The following ANKRD44 variants were observed in gnomAD, a reference collection of about 807,000 sequenced individuals.
ANKRD44 encodes the protein serine/threonine-protein phosphatase 6 regulatory ankyrin repeat subunit B.
A neutral mutation model predicts 116.0 loss-of-function variants in ANKRD44; 35 were observed. The observed-to-expected ratio is 0.30, with a 90% confidence interval of 0.23 to 0.40. The LOEUF (loss-of-function observed/expected upper bound fraction) is 0.40. ANKRD44 is among the 10% of genes least tolerant of loss of function. The probability of loss-of-function intolerance (pLI) is 1.00; values close to 1 mark genes in which losing one functional copy is unlikely to be tolerated. For synonymous variants in ANKRD44, 435 were observed against 461.8 expected, an observed-to-expected ratio of 0.94 and a Z score of 0.74; for missense variants, 1,014 against 1,242.6, an observed-to-expected ratio of 0.82 and a Z score of 2.77.
rs199994103 is a variant in ANKRD44 at position 197,197,809 on chromosome 2, CAAA to C, written c.28-10706_28-10704del. Among the ~76,000 whole-genome samples the C allele has an allele frequency of 2.7e-3, 307 of 114,150 alleles. 1 individual carries two copies. Among genetic ancestry groups the C allele is most frequent in the African/African-American group, 0.011 (271 of 25,358 alleles). 74.9% of individuals were successfully genotyped at this position (114,150 alleles called of 152,430 possible). ...TGGGTGACAGAGTGAAATCCTGTCT[CAAA>C]AAAAAAAAAAAAAAAAAAGAAAGAA... On this transcript the variant is annotated intron_variant, in intron 1 of 27. Coordinates refer to ENST00000282272, the MANE Select transcript of ANKRD44 (RefSeq NM_001195144.2).
At chr2:197,109,578 C>T (rs1376719744) in intron 9 of ANKRD44, among the ~76,000 whole-genome samples, 1 of 152,120 alleles carries the variant, frequency 6.6e-6, no homozygotes, top group Non-Finnish European at 1.5e-5. Context: ...TCTTAAGTGA[C>T]TAAGACATAA....
chr2:197,278,091 C>T (rs952559325), intron 1 of ANKRD44, among the ~76,000 whole-genome samples: 21 of 152,050 alleles, frequency 1.4e-4, no homozygotes, highest in African/African-American at 3.9e-4. Context: ...CCCAAGGCAG[C>T]AAATTAGCTA....
intron 2 of ANKRD44, among the ~76,000 whole-genome samples, chr2:197,173,259 T>C (rs867328964): frequency 1.2e-4 from 19 of 152,328 alleles, no homozygotes; most frequent in African/African-American, 4.6e-4. Context: ...TTCAAAATTA[T>C]GGGTGGTAAA....
chr2:197,242,616 A>AC (rs1232167507), intron 1 of ANKRD44, among the ~76,000 whole-genome samples: 1 of 152,228 alleles, frequency 6.6e-6, no homozygotes, highest in Non-Finnish European at 1.5e-5. Context: ...TTCTAACCTT[A>AC]CCAGGCTGTT....
chr2:197,301,007 G>A (rs183850803), intron 1 of ANKRD44: 6 of 152,142 alleles, frequency 3.9e-5, no homozygotes, highest in South Asian at 2.1e-4. Context: ...GGCTGGTCTC[G>A]AACTCCTGAC....
Position 196,998,342 on chromosome 2 carries a change from T to C in ANKRD44, c.2743A>G (p.Ser915Gly), listed in dbSNP as rs1559404707. The C allele has an allele frequency of 6.2e-7, 1 of 1,611,246 alleles. No homozygotes were observed. The highest frequency in any genetic ancestry group is 8.5e-7 in the Non-Finnish European group (1 of 1,177,642). ...TTTTAAATTCATTTACATACTTTAC[T>C]ACAAGCCAAATGTAAGGGTGTATTC... ...DLNTPLHLACSKGHEKCALLI... is the reference protein window; with the variant it reads ...DLNTPLHLACGKGHEKCALLI... Residue 915 changes from serine (S) to glycine (G), a missense_variant, in exon 25 of 28, where the codon AGT becomes GGT. Ser to Gly is a moderately conservative substitution (Grantham distance 56). Transcript: ENST00000282272.
At chr2:197,025,380 A>G (rs1290606212) in intron 16 of ANKRD44, 113 bp from the exon 17 acceptor site, 6 of 713,594 alleles carry the variant, frequency 8.4e-6, no homozygotes. Context: ...TATCAGTAAT[A>G]TAAAAATATG....
chr2:197,120,015 C>A (rs1280375250), intron 8 of ANKRD44, among the ~76,000 whole-genome samples: 1 of 152,128 alleles, frequency 6.6e-6, no homozygotes, highest in Non-Finnish European at 1.5e-5. Flanking sequence ...ATCTCTATCC[C>A]TCCTCAACTC....
intron 4 of ANKRD44, among the ~76,000 whole-genome samples, chr2:197,127,848 G>A (rs912240005): frequency 6.6e-6 from 1 of 152,080 alleles, no homozygotes; most frequent in East Asian, 1.9e-4. Context: ...GCCCCAGTGT[G>A]TGTCGTTCCT....
intron 1 of ANKRD44, among the ~76,000 whole-genome samples, chr2:197,273,329 A>T (rs2082952802): frequency 6.6e-6 from 1 of 152,256 alleles, no homozygotes; most frequent in Non-Finnish European, 1.5e-5. Flanking sequence ...TTAACATCAA[A>T]TTAAATGAAT....
At chr2:197,079,000 T>C (rs1171862990) in intron 15 of ANKRD44, among the ~76,000 whole-genome samples, 186 bp from the exon 16 acceptor site, 1 of 152,138 alleles carries the variant, frequency 6.6e-6, no homozygotes, top group East Asian at 1.9e-4. Context: ...TGTGTGTGTA[T>C]GTTTTCTGTA....
chr2:196,990,173 A>G, intron 27 of ANKRD44: 2 of 986,086 alleles, frequency 2.0e-6, no homozygotes, highest in Middle Eastern at 1.0e-3. Flanking sequence ...AAAGATTATT[A>G]CAGGCATTAT....
At chr2:197,133,943 CTTTCTTTTT>C (rs2079152592) in intron 4 of ANKRD44, 1 of 65,006 alleles carries the variant, frequency 1.5e-5, no homozygotes, top group Non-Finnish European at 2.8e-5. Context: ...TTTTCTTTTT[CTTTCTTTTT>C]TTTTTTTTTT....
At chr2:197,167,157 G>C (rs2080118365) in intron 2 of ANKRD44, among the ~76,000 whole-genome samples, 1 of 151,880 alleles carries the variant, frequency 6.6e-6, no homozygotes, top group South Asian at 2.1e-4. Flanking sequence ...AGTTTGAAAA[G>C]CATTAGCTAT....
chr2:197,189,787 C>T (rs2080779043), intron 1 of ANKRD44, among the ~76,000 whole-genome samples: 1 of 152,170 alleles, frequency 6.6e-6, no homozygotes, highest in African/African-American at 2.4e-5. Flanking sequence ...AGTTAAGATT[C>T]CGGGGAACAA....
intron 16 of ANKRD44, among the ~76,000 whole-genome samples, chr2:197,033,035 A>G (rs958052442): frequency 5.9e-5 from 9 of 152,182 alleles, no homozygotes; most frequent in Admixed American, 2.0e-4. Flanking sequence ...ACGGCTGGAT[A>G]TAAGGTGGTA....
chr2:197,027,683 T>A (rs1332664686), intron 16 of ANKRD44, among the ~76,000 whole-genome samples: 2 of 102,702 alleles, frequency 1.9e-5, no homozygotes, highest in Non-Finnish European at 4.1e-5. Flanking sequence ...CCTGAGAATT[T>A]TTTTTTTTTT....
intron 3 of ANKRD44, among the ~76,000 whole-genome samples, 190 bp from the exon 4 acceptor site, chr2:197,136,852 A>T (rs770782900): frequency 2.0e-5 from 3 of 152,218 alleles, no homozygotes; most frequent in Non-Finnish European, 4.4e-5. Context: ...TTTACCTAAA[A>T]ATCTGGGACT....
At chr2:197,307,868 A>G (rs2084120031) in intron 1 of ANKRD44, among the ~76,000 whole-genome samples, 1 of 152,206 alleles carries the variant, frequency 6.6e-6, no homozygotes, top group Non-Finnish European at 1.5e-5. Flanking sequence ...CTTCACAAAT[A>G]GGGCATTCAA....
Sources: gnomAD v4.1 joint callset for allele counts (sites outside exome capture counted in the v4.1 genomes callset) on GRCh38, gnomAD v4.1.1 for gene constraint, MANE v1.5 for transcripts, NCBI Gene and HGNC (gene_info 2026-07-23, HGNC 2026-07-21) for gene names.